Variants in TAOK1 observed in about 807,000 individuals in gnomAD.
TAOK1 encodes serine/threonine-protein kinase TAO1.
Under a neutral mutation model 138.3 loss-of-function variants are expected in TAOK1, and 21 were observed. That is an observed-to-expected ratio of 0.15 (90% CI 0.11 to 0.22). The LOEUF (loss-of-function observed/expected upper bound fraction) is 0.22. Ranked by LOEUF, TAOK1 falls within the 10% of genes least tolerant of loss-of-function variation. The probability of loss-of-function intolerance (pLI) is 1.00; values close to 1 mark genes in which losing one functional copy is unlikely to be tolerated. For synonymous variants in TAOK1, 361 were observed against 398.4 expected (o/e 0.91, Z 1.12); for missense variants, 651 against 1,227.7 (o/e 0.53, Z 7.02).
chr17:29,542,712 C>T lies in TAOK1; in HGVS notation c.2696C>T (p.Ala899Val), dbSNP rs914788894. 1 of 1,614,226 alleles carries T rather than the reference C, an allele frequency of 6.2e-7. No individual in the cohort carries two copies. The change falls in exon 20 of 20, where the codon GCA becomes GTA. Residue 899 changes from alanine to valine, a missense_variant. By Grantham distance (64) the Ala-to-Val change is moderately conservative. Around this residue, in one of 8 missense-constraint regions of TAOK1, gnomAD observed 258 missense variants for 548.9 expected, o/e 0.47. Coordinates refer to ENST00000261716, the MANE Select transcript of TAOK1 (RefSeq NM_020791.4). ...GTCCTTTCTAATCTCTCCCCTGAGG[C>T]ATTCAGCCACAGCTACCCGGGAGCT... is the stretch of plus-strand genomic sequence containing the variant. ...NMVLSNLSPE[A>V]FSHSYPGASG...
At chr17:29,397,627 T>TACATGTATACATGTACATTCATGTATG (rs1555555323) in intron 1 of TAOK1, among the ~76,000 whole-genome samples, 1 of 44,746 alleles carries the variant, frequency 2.2e-5, no homozygotes, top group South Asian at 8.2e-4. Flanking sequence ...TATATATATA[T>TACATGTATACATGTACATTCATGTATG]ATACATGTAT....
At chr17:29,527,116 CTCTT>C (rs1015737736) in intron 17 of TAOK1, among the ~76,000 whole-genome samples, 2 of 151,866 alleles carry the variant, frequency 1.3e-5, no homozygotes, top group Non-Finnish European at 2.9e-5. Flanking sequence ...CAGAGCAAGA[CTCTT>C]TCTCAGGGAA....
At chr17:29,473,655 T>C (rs1276752607) in intron 3 of TAOK1, among the ~76,000 whole-genome samples, 3 of 151,732 alleles carry the variant, frequency 2.0e-5, no homozygotes, top group Non-Finnish European at 4.4e-5. Flanking sequence ...ACACATTGGC[T>C]AGATCTTCTG....
Position 29,489,655 on chromosome 17 carries a change from C to CT in TAOK1, c.656-5dup, listed in dbSNP as rs1285104901. ...CTATTTTAACAGGAATGTTTCCTTT[C>CT]TTTTACAGCGGAAAGGAAGCCTCCT... On this transcript the variant is annotated splice_polypyrimidine_tract_variant and intron_variant, in intron 8 of 19. Coordinates refer to ENST00000261716, the MANE Select transcript of TAOK1 (RefSeq NM_020791.4). The CT allele has an allele frequency of 5.0e-6, 8 of 1,596,730 alleles. No homozygotes were observed. The highest frequency in any genetic ancestry group is 6.8e-6 in the Non-Finnish European group (8 of 1,171,844).
At chr17:29,429,175 C>A (rs1905745929) in intron 1 of TAOK1, among the ~76,000 whole-genome samples, 1 of 152,014 alleles carries the variant, frequency 6.6e-6, no homozygotes, top group Non-Finnish European at 1.5e-5. Flanking sequence ...TCAGTTTCAG[C>A]TTTAGAATTT....
chr17:29,461,034 T>C (rs1192287522), intron 2 of TAOK1, among the ~76,000 whole-genome samples: 1 of 152,206 alleles, frequency 6.6e-6, no homozygotes, highest in African/African-American at 2.4e-5. Flanking sequence ...AACTGGATTA[T>C]TTCAGAGAGC....
At chr17:29,503,141 A>G (rs560437880) in intron 13 of TAOK1, among the ~76,000 whole-genome samples, 1 of 152,312 alleles carries the variant, frequency 6.6e-6, no homozygotes, top group East Asian at 1.9e-4. Context: ...TCATGCCTGT[A>G]ATCCCAGCAC....
At chr17:29,393,854 G>T (rs1488380853) in intron 1 of TAOK1, among the ~76,000 whole-genome samples, 1 of 152,146 alleles carries the variant, frequency 6.6e-6, no homozygotes, top group Non-Finnish European at 1.5e-5. Context: ...TTTAAACTCT[G>T]AGAGGTTTTA....
At chr17:29,456,571 A>C (rs1337618897) in intron 2 of TAOK1, among the ~76,000 whole-genome samples, 4 of 150,398 alleles carry the variant, frequency 2.7e-5, no homozygotes. Context: ...TTGTTGGAGC[A>C]TTTCAGATTT....
intron 1 of TAOK1, chr17:29,403,828 C>T (rs528418278): frequency 1.3e-5 from 2 of 152,170 alleles, no homozygotes; most frequent in African/African-American, 2.4e-5. Context: ...CGTCAGCCTC[C>T]CAAAGTGCTG....
intron 6 of TAOK1, among the ~76,000 whole-genome samples, chr17:29,479,833 A>G (rs2031023529): frequency 6.6e-6 from 1 of 152,116 alleles, no homozygotes. Context: ...GATCATTGAT[A>G]CTACATTATC....
chr17:29,467,709 C>G (rs941128756), intron 3 of TAOK1, among the ~76,000 whole-genome samples: 1 of 152,010 alleles, frequency 6.6e-6, no homozygotes. Flanking sequence ...TTTCACAAAC[C>G]GATGTACCCA....
intron 2 of TAOK1, among the ~76,000 whole-genome samples, chr17:29,460,954 AGAGT>A (rs886521966): frequency 3.2e-4 from 49 of 152,204 alleles, no homozygotes; most frequent in Non-Finnish European, 2.2e-4. Context: ...ATTATTAAAG[AGAGT>A]GAGAGGAAGT....
chr17:29,482,761 G>A (rs2031090674), intron 8 of TAOK1, among the ~76,000 whole-genome samples: 1 of 150,280 alleles, frequency 6.7e-6, no homozygotes. Context: ...TTTTAAGACG[G>A]TAAGGCCGAC....
rs780731949 is a variant in TAOK1 at position 29,551,060 on chromosome 17, G to A, written c.*8038G>A. Reference sequence around the variant, plus strand: ...ATCATTTCTGAGTAGACCATTGAGCGATGAATGCACACCTGTAGTAGCCCA... The same window carrying A: ...ATCATTTCTGAGTAGACCATTGAGCAATGAATGCACACCTGTAGTAGCCCA... On this transcript the variant is annotated 3_prime_UTR_variant, in exon 20 of 20. Transcript: ENST00000261716. 6.6e-5 allele frequency: 10 copies of A among 152,066 alleles called. No individual in the cohort carries two copies. Among genetic ancestry groups the A allele is most frequent in the Non-Finnish European group, 1.5e-4 (10 of 68,012 alleles). 9.4% of individuals were successfully genotyped at this position (152,066 alleles called of 1,614,324 possible).
intron 1 of TAOK1, among the ~76,000 whole-genome samples, chr17:29,411,237 G>A (rs1354000481): frequency 9.2e-5 from 13 of 141,270 alleles, no homozygotes; most frequent in South Asian, 2.2e-4. Context: ...GACTACAGGC[G>A]CCCGCCACTA....
intron 6 of TAOK1, chr17:29,480,063 AAAACCATTGTTT>A (rs1853603350): frequency 1.1e-5 from 2 of 178,050 alleles, no homozygotes; most frequent in Non-Finnish European, 2.3e-5. Flanking sequence ...ATATATTTTA[AAAACCATTGTTT>A]CTACCAATAA....
At chr17:29,437,041 GAAGAA>G (rs1301898466) in intron 1 of TAOK1, among the ~76,000 whole-genome samples, 1 of 88,588 alleles carries the variant, frequency 1.1e-5, no homozygotes, top group Non-Finnish European at 2.0e-5. Context: ...AAAGTTTAAA[GAAGAA>G]AAAAACCTTT....
intron 17 of TAOK1, among the ~76,000 whole-genome samples, chr17:29,528,678 A>T (rs1056712927): frequency 6.6e-5 from 10 of 151,728 alleles, no homozygotes; most frequent in African/African-American, 1.9e-4. Flanking sequence ...TGTCTCTACT[A>T]AAAATACAAA....
Sources: allele counts gnomAD v4.1 joint callset (sites outside exome capture counted in the v4.1 genomes callset), GRCh38; gene constraint gnomAD v4.1.1; regional missense constraint gnomAD v4.1.1; transcripts MANE v1.5; gene names NCBI Gene and HGNC (gene_info 2026-07-23, HGNC 2026-07-21).